SEMA3C: variants seen among roughly 807,000 people sequenced by gnomAD.
The protein encoded by SEMA3C is semaphorin 3C.
In SEMA3C, 47 loss-of-function variants were observed where a neutral mutation model predicts 89.4. The observed-to-expected ratio is 0.53, with a 90% CI of 0.42 to 0.67. The LOEUF is 0.67. Among genes scored for constraint, SEMA3C ranks in the 30% least tolerant of loss-of-function variants. The pLI is 0.00. For missense variants in SEMA3C, 839 were observed against 929.1 expected (o/e 0.90, Z 1.26); for synonymous variants, 310 against 320.2 (o/e 0.97, Z 0.34).
intron 2 of SEMA3C, among the ~76,000 whole-genome samples, chr7:80,882,944 TAAC>T (rs60567057): frequency 0.09 from 13,531 of 151,106 alleles, 890 homozygotes; most frequent in African/African-American, 0.19. Context: ...CCCTCTTATA[TAAC>T]AACAACAACA....
rs377149195 is a variant in SEMA3C at position 80,818,397 on chromosome 7, G to A, written c.349C>T (p.Arg117Cys). The A allele has an allele frequency of 3.7e-5, 59 of 1,612,536 alleles. No homozygotes were observed. The African/African-American group carries it at 5.1e-4, about 14-fold the overall frequency. The stretch of plus-strand genomic sequence containing the variant: ...GTGCGATTGAAAGTCTGAATTACAC[G>A]GACAAAGTTCCCACAGCCGTGCTAA... ...DPTHGCGNFV[R>C]VIQTFNRTHL... is the part of the protein sequence containing the mutation. Residue 117 changes from arginine to cysteine, a missense_variant, in exon 5 of 18, where the codon CGT (arginine) becomes TGT (cysteine). Arg to Cys is a radical substitution (Grantham distance 180). Transcript: ENST00000265361.
At chr7:80,917,035 C>G (rs1792294784) in intron 1 of SEMA3C, among the ~76,000 whole-genome samples, 4 of 152,170 alleles carry the variant, frequency 2.6e-5, no homozygotes. Context: ...GAGAAACTTT[C>G]ATCTTCCAGC....
chr7:80,787,044 G>T (rs2115567311), intron 12 of SEMA3C, among the ~76,000 whole-genome samples: 1 of 152,272 alleles, frequency 6.6e-6, no homozygotes, highest in East Asian at 1.9e-4. Flanking sequence ...TGTTTGCACA[G>T]AATGGATAAT....
intron 5 of SEMA3C, among the ~76,000 whole-genome samples, chr7:80,813,259 A>C (rs538728836): frequency 5.5e-4 from 83 of 152,262 alleles, no homozygotes; most frequent in Non-Finnish European, 1.1e-3. Context: ...ACTACTAAAC[A>C]TTTTGTAGAA....
At chr7:80,835,661 A>C (rs1790108412) in intron 2 of SEMA3C, among the ~76,000 whole-genome samples, 1 of 152,202 alleles carries the variant, frequency 6.6e-6, no homozygotes, top group Non-Finnish European at 1.5e-5. Flanking sequence ...ATGTGAACAA[A>C]GACAATAGAG....
chr7:80,874,543 T>C (rs1791153086), intron 2 of SEMA3C, among the ~76,000 whole-genome samples: 1 of 151,986 alleles, frequency 6.6e-6, no homozygotes, highest in Admixed American at 6.6e-5. Flanking sequence ...CTTGGCTCAC[T>C]ACAACCTCCG....
intron 2 of SEMA3C, among the ~76,000 whole-genome samples, chr7:80,858,174 T>C (rs1443212024): frequency 1.3e-5 from 2 of 152,150 alleles, no homozygotes; most frequent in African/African-American, 4.8e-5. Context: ...GTTATTTGTA[T>C]AAGGAGGAAG....
intron 2 of SEMA3C, among the ~76,000 whole-genome samples, chr7:80,848,781 C>T (rs1250669932): frequency 1.3e-5 from 2 of 152,150 alleles, no homozygotes; most frequent in Non-Finnish European, 2.9e-5. Context: ...TTCTTTCCTA[C>T]ATATTATTTA....
intron 2 of SEMA3C, among the ~76,000 whole-genome samples, chr7:80,912,766 A>G (rs1023508139): frequency 6.6e-6 from 1 of 152,218 alleles, no homozygotes; most frequent in Non-Finnish European, 1.5e-5. Flanking sequence ...AGCATCTTCC[A>G]AGATTAACGG....
intron 2 of SEMA3C, among the ~76,000 whole-genome samples, chr7:80,846,790 G>T (rs1790401065): frequency 6.6e-6 from 1 of 152,128 alleles, no homozygotes; most frequent in African/African-American, 2.4e-5. Flanking sequence ...TTTAAACTTT[G>T]CAACAGCACT....
intron 14 of SEMA3C, among the ~76,000 whole-genome samples, chr7:80,759,216 G>A (rs1226417702): frequency 6.6e-6 from 1 of 152,062 alleles, no homozygotes; most frequent in Non-Finnish European, 1.5e-5. Flanking sequence ...CTCAGGAGCT[G>A]AAGGAATGAG....
chr7:80,848,314 A>T (rs921831055), intron 2 of SEMA3C, among the ~76,000 whole-genome samples: 13 of 152,154 alleles, frequency 8.5e-5, no homozygotes, highest in Non-Finnish European at 1.6e-4. Flanking sequence ...CTAATTTTTG[A>T]CCTTAGGAAA....
intron 2 of SEMA3C, among the ~76,000 whole-genome samples, chr7:80,908,860 C>T (rs1792078418): frequency 6.6e-6 from 1 of 151,980 alleles, no homozygotes; most frequent in Non-Finnish European, 1.5e-5. Context: ...AAAGTGTTCA[C>T]CAAACTAATG....
At chr7:80,765,839 A>G (rs538892024) in intron 12 of SEMA3C, among the ~76,000 whole-genome samples, 58 of 152,282 alleles carry the variant, frequency 3.8e-4, no homozygotes, top group Middle Eastern at 3.4e-3. Context: ...GGCCTCCCAA[A>G]GTGCTGGTAT....
chr7:80,815,579 T>C (rs1481735373), intron 5 of SEMA3C, among the ~76,000 whole-genome samples: 2 of 70,186 alleles, frequency 2.8e-5, no homozygotes, highest in African/African-American at 9.9e-5. Flanking sequence ...AAAAAGTAAA[T>C]GTAGAGGAAA....
intron 17 of SEMA3C, 113 bp downstream of exon 17, chr7:80,748,784 TA>T: frequency 9.4e-7 from 1 of 1,065,726 alleles, no homozygotes; most frequent in Non-Finnish European, 1.3e-6. Context: ...CCCAAAGACG[TA>T]AAAGATGATC....
At chr7:80,836,994 T>A (rs560833635) in intron 2 of SEMA3C, among the ~76,000 whole-genome samples, 21 of 152,320 alleles carry the variant, frequency 1.4e-4, no homozygotes, top group African/African-American at 4.8e-4. Context: ...AATTTCAAAA[T>A]TTTAACCCTT....
intron 2 of SEMA3C, among the ~76,000 whole-genome samples, chr7:80,886,515 A>G (rs1054838936): frequency 6.6e-6 from 1 of 151,794 alleles, no homozygotes; most frequent in Admixed American, 6.6e-5. Context: ...CACCATACCC[A>G]GCTAATTTTT....
chr7:80,850,847 T>C (rs1790494831), intron 2 of SEMA3C, among the ~76,000 whole-genome samples: 6 of 152,218 alleles, frequency 3.9e-5, no homozygotes, highest in Admixed American at 3.3e-4. Context: ...CTGTGATTGT[T>C]GTAACTAATT....
Sources: allele counts gnomAD v4.1 joint callset (sites outside exome capture counted in the v4.1 genomes callset), GRCh38; gene constraint gnomAD v4.1.1; transcripts MANE v1.5; gene names NCBI Gene and HGNC (gene_info 2026-07-23, HGNC 2026-07-21).